The following TMTC2 variants were observed in gnomAD, a reference collection of about 807,000 sequenced individuals.
TMTC2 encodes protein O-mannosyl-transferase TMTC2.
In TMTC2, 43 loss-of-function variants were observed where a neutral mutation model predicts 82.4. The ratio of observed to expected loss-of-function variants is 0.52; its 90% CI spans 0.41 to 0.67. The LOEUF is 0.67. Ranked by LOEUF, TMTC2 falls within the 30% of genes least tolerant of loss-of-function variation. TMTC2 has a pLI of 0.00. For synonymous variants in TMTC2, 408 were observed against 381.9 expected (o/e 1.07, Z -0.80); for missense variants, 919 against 1,012.4 (o/e 0.91, Z 1.25).
chr12:83,025,454 C>A (rs916651448), intron 8 of TMTC2, among the ~76,000 whole-genome samples: 3 of 150,996 alleles, frequency 2.0e-5, no homozygotes, highest in Non-Finnish European at 3.0e-5. Flanking sequence ...ACATTATTTT[C>A]TCCTATTATA....
chr12:82,946,438 A>G (rs1876996523), intron 4 of TMTC2, among the ~76,000 whole-genome samples: 1 of 151,928 alleles, frequency 6.6e-6, no homozygotes, highest in African/African-American at 2.4e-5. Context: ...CTTCTCTCCC[A>G]TTTACCCCTG....
chr12:83,059,419 C>T (rs1882659288), intron 10 of TMTC2, among the ~76,000 whole-genome samples: 1 of 151,674 alleles, frequency 6.6e-6, no homozygotes, highest in Non-Finnish European at 1.5e-5. Context: ...GTACAACTGA[C>T]GTATTCTTTT....
rs796070035 is a variant in TMTC2 at position 82,796,580 on chromosome 12, CTT to C, written c.84-60428_84-60427del. ...ATGTAAGTAGTTGGTCTAAGAATAACTTTGTTATGGTGGTAAGCTTAGGGGAA... is the reference window on the plus strand; with the variant it reads ...ATGTAAGTAGTTGGTCTAAGAATAACTGTTATGGTGGTAAGCTTAGGGGAA... On this transcript the variant is annotated intron_variant, in intron 1 of 11. Coordinates refer to ENST00000321196, the MANE Select transcript of TMTC2 (RefSeq NM_152588.3). Among the ~76,000 whole-genome samples, 6 of 152,222 alleles carry C rather than the reference CTT, an allele frequency of 3.9e-5. 1 individual carries two copies. The highest frequency in any genetic ancestry group is 1.4e-4 in the African/African-American group (6 of 41,562).
In TMTC2 at chr12:83,045,001, A is replaced by G. The variant is rs888178003; in HGVS notation, c.2153-5903A>G. 3.3e-5 allele frequency among the ~76,000 whole-genome samples: 5 copies of G among 152,234 alleles called. 1 individual carries two copies. The highest frequency in any genetic ancestry group is 7.3e-5 in the Non-Finnish European group (5 of 68,046). On this transcript the variant is annotated intron_variant, in intron 9 of 11. Coordinates refer to ENST00000321196, the MANE Select transcript of TMTC2 (RefSeq NM_152588.3). ...AGCTTTTTAAATCCAGGAATTAACG[A>G]AAGATTGGTCTTCACAAGCTTGTCA...
chr12:82,859,507 A>T (rs544295323), intron 2 of TMTC2, among the ~76,000 whole-genome samples: 2 of 152,356 alleles, frequency 1.3e-5, no homozygotes, highest in African/African-American at 4.8e-5. Context: ...TCAAGGGCAG[A>T]GTTGCCCACT....
At chr12:82,846,705 T>C (rs542815208) in intron 1 of TMTC2, among the ~76,000 whole-genome samples, 14 of 152,246 alleles carry the variant, frequency 9.2e-5, no homozygotes, top group Non-Finnish European at 2.9e-5. Context: ...CCAGCAGTTA[T>C]TCGGGGTCGC....
chr12:82,937,785 T>C (rs1383168629), intron 4 of TMTC2, among the ~76,000 whole-genome samples: 4 of 24,054 alleles, frequency 1.7e-4, no homozygotes, highest in Admixed American at 4.9e-4. Context: ...TATATATATA[T>C]ATATATATAT....
chr12:83,091,196 G>A (rs188878834), intron 11 of TMTC2, among the ~76,000 whole-genome samples: 85 of 152,084 alleles, frequency 5.6e-4, no homozygotes, highest in African/African-American at 1.9e-3. Flanking sequence ...CTTTGGCATT[G>A]AACTAAACAT....
chr12:82,876,859 T>C (rs1442403579), intron 2 of TMTC2, among the ~76,000 whole-genome samples: 2 of 152,214 alleles, frequency 1.3e-5, no homozygotes, highest in Non-Finnish European at 2.9e-5. Flanking sequence ...GTTTCCCCAA[T>C]GTCCACATCT....
chr12:82,923,037 G>C (rs1426122510), intron 3 of TMTC2, among the ~76,000 whole-genome samples: 2 of 152,176 alleles, frequency 1.3e-5, no homozygotes, highest in Admixed American at 1.3e-4. Context: ...TTTTGACTTA[G>C]TCACTTACAT....
chr12:83,046,485 C>T (rs1882134240), intron 9 of TMTC2, among the ~76,000 whole-genome samples: 1 of 152,022 alleles, frequency 6.6e-6, no homozygotes, highest in Non-Finnish European at 1.5e-5. Flanking sequence ...AAGCTAGAGA[C>T]TAATGAAAAA....
intron 2 of TMTC2, among the ~76,000 whole-genome samples, chr12:82,893,751 G>T (rs1178096653): frequency 6.6e-6 from 1 of 152,006 alleles, no homozygotes; most frequent in Non-Finnish European, 1.5e-5. Context: ...TCACCATAAA[G>T]TGAGAAGGGA....
At chr12:82,696,799 C>T (rs1025081681) in intron 1 of TMTC2, among the ~76,000 whole-genome samples, 1 of 151,942 alleles carries the variant, frequency 6.6e-6, no homozygotes, top group African/African-American at 2.4e-5. Context: ...TAGACCTGGC[C>T]CTCTGATAAC....
intron 7 of TMTC2, among the ~76,000 whole-genome samples, chr12:82,983,616 G>T (rs1426397002): frequency 1.3e-5 from 2 of 151,950 alleles, no homozygotes; most frequent in African/African-American, 4.8e-5. Flanking sequence ...AAGACCTAGT[G>T]TTATTCTAAA....
intron 2 of TMTC2, among the ~76,000 whole-genome samples, chr12:82,881,086 A>G (rs1482652241): frequency 6.6e-6 from 1 of 152,238 alleles, no homozygotes; most frequent in Non-Finnish European, 1.5e-5. Context: ...ACAACCTGAA[A>G]TAATTTAAAA....
chr12:82,947,325 A>T (rs990672722), intron 4 of TMTC2, among the ~76,000 whole-genome samples: 2 of 147,636 alleles, frequency 1.4e-5, no homozygotes, highest in South Asian at 2.1e-4. Flanking sequence ...GCAGAGTGCA[A>T]TTTTTTTTTC....
At chr12:82,860,803 G>T (rs1871502433) in intron 2 of TMTC2, among the ~76,000 whole-genome samples, 1 of 152,210 alleles carries the variant, frequency 6.6e-6, no homozygotes, top group Non-Finnish European at 1.5e-5. Flanking sequence ...CTTAGTAATT[G>T]ACCAAAGCTG....
chr12:82,723,325 G>C (rs573587880), intron 1 of TMTC2, among the ~76,000 whole-genome samples: 30 of 152,128 alleles, frequency 2.0e-4, no homozygotes, highest in Non-Finnish European at 4.0e-4. Flanking sequence ...TAATTTAGGA[G>C]CTCCAACCGC....
intron 11 of TMTC2, among the ~76,000 whole-genome samples, chr12:83,114,329 G>C (rs745607812): frequency 6.6e-6 from 1 of 152,016 alleles, no homozygotes; most frequent in South Asian, 2.1e-4. Flanking sequence ...AAGGCCATGC[G>C]AAAACATAAT....
Sources: gnomAD v4.1 joint callset for allele counts (sites outside exome capture counted in the v4.1 genomes callset) on GRCh38, gnomAD v4.1.1 for gene constraint, MANE v1.5 for transcripts, NCBI Gene and HGNC (gene_info 2026-07-23, HGNC 2026-07-21) for gene names.